The following FLRT2 variants were observed in gnomAD, a reference collection of about 807,000 sequenced individuals.
The protein encoded by FLRT2 is leucine-rich repeat transmembrane protein FLRT2.
In FLRT2, 15 loss-of-function variants were observed where a neutral mutation model predicts 40.0. That is an observed-to-expected ratio of 0.38 (90% CI 0.25 to 0.58). FLRT2 has a LOEUF of 0.58. FLRT2 is among the 20% of genes least tolerant of loss of function. FLRT2 has a pLI of 0.71. For missense variants in FLRT2, 726 were observed against 840.0 expected (o/e 0.86, Z 1.68); for synonymous variants, 380 against 336.8 (o/e 1.13, Z -1.41).
Position 85,643,354 on chromosome 14 carries a change from T to TCTTTCTTTCTTCCTTCCTTC in FLRT2, c.*19860_*19861insTCTTTCTTCCTTCCTTCCTT, listed in dbSNP as rs1555373579. 10 of 46,038 alleles carry TCTTTCTTTCTTCCTTCCTTC rather than the reference T, an allele frequency of 2.2e-4. No homozygotes were observed. Among genetic ancestry groups the TCTTTCTTTCTTCCTTCCTTC allele is most frequent in the African/African-American group, 5.3e-4 (7 of 13,220 alleles). The allele number at this position is 46,038 out of a possible 1,614,324, so 2.9% of individuals were successfully genotyped here. ...TTCTTTCTTTCTTTCTTTCTTTCTT[T>TCTTTCTTTCTTCCTTCCTTC]CTTCCTTCCTTCCTTCCTTCCTTTC... On this transcript the variant is annotated 3_prime_UTR_variant, in exon 2 of 2. Transcript: ENST00000330753.
At chr14:85,569,396 G>A (rs1890791255) in intron 1 of FLRT2, among the ~76,000 whole-genome samples, 1 of 152,198 alleles carries the variant, frequency 6.6e-6, no homozygotes, top group Non-Finnish European at 1.5e-5. Context: ...GGAGCAGCAG[G>A]GAGGGCAGAG....
At chr14:85,616,104 G>A (rs527472112) in intron 1 of FLRT2, among the ~76,000 whole-genome samples, 1 of 152,092 alleles carries the variant, frequency 6.6e-6, no homozygotes, top group Non-Finnish European at 1.5e-5. Flanking sequence ...TCATCTTTAA[G>A]AGACTGGCAA....
intron 1 of FLRT2, among the ~76,000 whole-genome samples, chr14:85,536,109 G>T (rs1464462345): frequency 1.3e-5 from 2 of 151,966 alleles, no homozygotes; most frequent in Non-Finnish European, 1.5e-5. Flanking sequence ...TTCAGATGAT[G>T]TGATCATATA....
intron 1 of FLRT2, among the ~76,000 whole-genome samples, chr14:85,548,472 A>G (rs965208729): frequency 1.3e-5 from 2 of 152,212 alleles, no homozygotes; most frequent in Admixed American, 6.5e-5. Flanking sequence ...GCAAGAACAA[A>G]TAGAAATAAT....
intron 1 of FLRT2, among the ~76,000 whole-genome samples, chr14:85,597,479 GAGC>G (rs1168101561): frequency 2.0e-5 from 3 of 152,170 alleles, no homozygotes; most frequent in Non-Finnish European, 2.9e-5. Context: ...CAAAGTCTGT[GAGC>G]TTATTTTTTT....
Position 85,638,488 on chromosome 14 carries a change from T to A in FLRT2, c.*14991T>A, listed in dbSNP as rs1170430404. On this transcript the variant is annotated 3_prime_UTR_variant, in exon 2 of 2. Transcript: ENST00000330753. ...TTACTTCTCCCTCTACCAGTCCTGGTTCTTCATAGCCTTCCACAGGTGTCA... is the reference window on the plus strand; with the variant it reads ...TTACTTCTCCCTCTACCAGTCCTGGATCTTCATAGCCTTCCACAGGTGTCA... 6.6e-6 allele frequency: 1 copy of A among 152,348 alleles called. No homozygotes were observed. Among genetic ancestry groups the A allele is most frequent in the Admixed American group, 6.5e-5 (1 of 15,278 alleles). 9.4% of individuals were successfully genotyped at this position (152,348 alleles called of 1,614,324 possible). A position where few individuals can be genotyped will look rare whatever the true frequency, so the allele number is the denominator to read the frequency against.
At chr14:85,569,121 G>A (rs764029584) in intron 1 of FLRT2, among the ~76,000 whole-genome samples, 10 of 152,274 alleles carry the variant, frequency 6.6e-5, no homozygotes, top group South Asian at 2.1e-4. Flanking sequence ...TGACAAACTC[G>A]TGAGGGCTCT....
At chr14:85,618,076 T>A (rs1893213599) in intron 1 of FLRT2, among the ~76,000 whole-genome samples, 1 of 152,142 alleles carries the variant, frequency 6.6e-6, no homozygotes, top group Non-Finnish European at 1.5e-5. Context: ...GTTCAGGAAA[T>A]GGAAAATTTA....
chr14:85,616,503 A>T (rs910118159), intron 1 of FLRT2, among the ~76,000 whole-genome samples: 2 of 152,192 alleles, frequency 1.3e-5, no homozygotes, highest in Non-Finnish European at 2.9e-5. Flanking sequence ...GGGAGAAAGT[A>T]TTGTGCAGTT....
intron 1 of FLRT2, among the ~76,000 whole-genome samples, chr14:85,541,171 C>A (rs924193904): frequency 6.6e-6 from 1 of 152,210 alleles, no homozygotes; most frequent in Non-Finnish European, 1.5e-5. Context: ...GTACAAAATG[C>A]AATCAGAAAA....
chr14:85,584,347 T>C (rs1014862429), intron 1 of FLRT2, among the ~76,000 whole-genome samples: 9 of 152,286 alleles, frequency 5.9e-5, no homozygotes, highest in African/African-American at 2.2e-4. Flanking sequence ...AGAAATCATA[T>C]TAAAAAATGC....
chr14:85,645,361 A>G lies in FLRT2; in HGVS notation c.*21864A>G, dbSNP rs1014585649. The G allele has an allele frequency of 1.3e-5, 2 of 151,884 alleles. No individual in the cohort carries two copies. Among genetic ancestry groups the G allele is most frequent in the Admixed American group, 6.6e-5 (1 of 15,232 alleles). 9.4% of individuals were successfully genotyped at this position (151,884 alleles called of 1,614,324 possible). A position where few individuals can be genotyped will look rare whatever the true frequency, so the allele number is the denominator to read the frequency against. On this transcript the variant is annotated 3_prime_UTR_variant, in exon 2 of 2. Coordinates refer to ENST00000330753, the MANE Select transcript of FLRT2 (RefSeq NM_013231.6). ...ATATATATGATTGGCTGAGTGCTCT[A>G]TTTGTTGCTTGAGCAGGTGTTCACC...
chr14:85,574,550 G>A (rs369445856), intron 1 of FLRT2, among the ~76,000 whole-genome samples: 3 of 152,102 alleles, frequency 2.0e-5, no homozygotes, highest in East Asian at 3.9e-4. Flanking sequence ...CCATTATACT[G>A]GAAATTTGGA....
At chr14:85,592,048 T>G (rs988139974) in intron 1 of FLRT2, among the ~76,000 whole-genome samples, 5 of 152,194 alleles carry the variant, frequency 3.3e-5, no homozygotes, top group African/African-American at 1.2e-4. Context: ...AAATTGACTT[T>G]AAAAGTGTCA....
intron 1 of FLRT2, among the ~76,000 whole-genome samples, chr14:85,557,977 GTAGACTTCTGTGGAAAGCATCCA>G (rs1291429559): frequency 1.4e-5 from 2 of 146,646 alleles, no homozygotes; most frequent in African/African-American, 5.5e-5. Context: ...AACACGTAAT[GTAGACTTCTGTGGAAAGCATCCA>G]TAGACTTATG....
intron 1 of FLRT2, among the ~76,000 whole-genome samples, chr14:85,567,167 G>T (rs1890661853): frequency 1.4e-5 from 2 of 144,290 alleles, no homozygotes; most frequent in South Asian, 4.6e-4. Flanking sequence ...CATGAAAGTG[G>T]GTGAAAGCAT....
At chr14:85,596,498 T>TGTC (rs1892144701) in intron 1 of FLRT2, among the ~76,000 whole-genome samples, 1 of 151,080 alleles carries the variant, frequency 6.6e-6, no homozygotes, top group African/African-American at 2.5e-5. Context: ...CAGTCTTTGT[T>TGTC]GTCGTTGTTG....
chr14:85,615,893 T>A (rs947012208), intron 1 of FLRT2, among the ~76,000 whole-genome samples: 1 of 152,224 alleles, frequency 6.6e-6, no homozygotes, highest in African/African-American at 2.4e-5. Flanking sequence ...TACTATGATT[T>A]TTATAGTTTT....
At chr14:85,572,962 T>C (rs1890960953) in intron 1 of FLRT2, among the ~76,000 whole-genome samples, 1 of 152,160 alleles carries the variant, frequency 6.6e-6, no homozygotes, top group Non-Finnish European at 1.5e-5. Flanking sequence ...CTTTCCACTC[T>C]ACTGAATTCT....
Sources: allele counts gnomAD v4.1 joint callset (sites outside exome capture counted in the v4.1 genomes callset), GRCh38; gene constraint gnomAD v4.1.1; transcripts MANE v1.5; gene names NCBI Gene and HGNC (gene_info 2026-07-23, HGNC 2026-07-21).